USP34: variants seen among roughly 807,000 people sequenced by gnomAD.
USP34 encodes ubiquitin specific peptidase 34, also known as ubiquitin carboxyl-terminal hydrolase 34.
USP34 carries 70 observed loss-of-function variants against 460.3 expected under a neutral mutation model. The ratio of observed to expected loss-of-function variants is 0.15; its 90% CI spans 0.13 to 0.19. The LOEUF is 0.19. Among genes scored for constraint, USP34 ranks in the 10% least tolerant of loss-of-function variants. The pLI is 1.00. For missense variants in USP34, 3,985 were observed against 4,236.2 expected, an observed-to-expected ratio of 0.94 and a Z score of 1.65; for synonymous variants, 1,647 against 1,405.3, an observed-to-expected ratio of 1.17 and a Z score of -3.85.
intron 43 of USP34, among the ~76,000 whole-genome samples, chr2:61,264,224 A>G (rs1688980931): frequency 6.6e-6 from 1 of 152,232 alleles, no homozygotes; most frequent in Non-Finnish European, 1.5e-5. Flanking sequence ...ACCCAGAACC[A>G]CTTGGGTAAA....
chr2:61,298,152 G>GT (rs968729218), intron 29 of USP34, among the ~76,000 whole-genome samples: 8 of 151,708 alleles, frequency 5.3e-5, no homozygotes, highest in African/African-American at 1.9e-4. Flanking sequence ...ACTTTTTTGT[G>GT]TAACTCTCAT....
At chr2:61,387,825 A>G (rs1024533462) in intron 5 of USP34, among the ~76,000 whole-genome samples, 1 of 149,748 alleles carries the variant, frequency 6.7e-6, no homozygotes, top group Non-Finnish European at 1.5e-5. Flanking sequence ...ACACATGTAA[A>G]AATATATTTT....
intron 1 of USP34, among the ~76,000 whole-genome samples, chr2:61,425,917 T>C (rs1212980937): frequency 6.6e-6 from 1 of 151,766 alleles, no homozygotes; most frequent in Non-Finnish European, 1.5e-5. Flanking sequence ...GGGACTCTCT[T>C]GCATCTTGGA....
chr2:61,331,012 AAC>A lies in USP34; in HGVS notation c.2930+262_2930+263del, dbSNP rs140180603. 4.2e-3 allele frequency among the ~76,000 whole-genome samples: 635 copies of A among 152,268 alleles called. 3 individuals are homozygous for A. Among genetic ancestry groups the A allele is most frequent in the African/African-American group, 0.014 (597 of 41,564 alleles). ...ATGTATTTACTTTTGATTCCTTAAA[AAC>A]AGTTATCTTTGAACAAATCTCAATA... On this transcript the variant is annotated intron_variant, in intron 20 of 79. Transcript: ENST00000398571.
chr2:61,433,436 C>T (rs1375769903), intron 1 of USP34, among the ~76,000 whole-genome samples: 2 of 152,030 alleles, frequency 1.3e-5, no homozygotes, highest in Admixed American at 6.6e-5. Flanking sequence ...GAGTTCAAGA[C>T]CACCCTGGCC....
chr2:61,293,933 C>T (rs1049354298), intron 32 of USP34, among the ~76,000 whole-genome samples: 2 of 151,314 alleles, frequency 1.3e-5, no homozygotes, highest in South Asian at 2.1e-4. Flanking sequence ...GAGGATCACT[C>T]GAACCCAGGA....
At chr2:61,424,018 T>C (rs892868119) in intron 1 of USP34, among the ~76,000 whole-genome samples, 5 of 152,222 alleles carry the variant, frequency 3.3e-5, no homozygotes, top group African/African-American at 7.2e-5. Context: ...ACTGGAACCA[T>C]TGTGTACTCT....
Position 61,378,346 on chromosome 2 carries a change from T to C in USP34, c.1076+17A>G, listed in dbSNP as rs1375528521. 1 of 1,544,924 alleles carries C rather than the reference T, an allele frequency of 6.5e-7. No individual in the cohort carries two copies. Among genetic ancestry groups the C allele is most frequent in the Non-Finnish European group, 8.8e-7 (1 of 1,137,028 alleles). On this transcript the variant is annotated intron_variant, in intron 8 of 79. Transcript: ENST00000398571. ...TTAAAATGGTATACTTATATATAAATTAATGCTCCTACTTACGTTTCTGTG... is the reference window on the plus strand; with the variant it reads ...TTAAAATGGTATACTTATATATAAACTAATGCTCCTACTTACGTTTCTGTG...
chr2:61,289,766 T>C (rs979535629), intron 33 of USP34, among the ~76,000 whole-genome samples: 2 of 152,100 alleles, frequency 1.3e-5, no homozygotes, highest in African/African-American at 4.8e-5. Context: ...AAATTCAATA[T>C]TGCATACACA....
chr2:61,323,476 C>T (rs1468642406), intron 21 of USP34, among the ~76,000 whole-genome samples: 1 of 147,488 alleles, frequency 6.8e-6, no homozygotes, highest in Non-Finnish European at 1.5e-5. Context: ...GATTGTGCCA[C>T]TGCACTCCAG....
chr2:61,320,138 T>C (rs1376902284), intron 21 of USP34, among the ~76,000 whole-genome samples: 1 of 152,226 alleles, frequency 6.6e-6, no homozygotes, highest in Non-Finnish European at 1.5e-5. Flanking sequence ...TATGCATTTC[T>C]ACGAATATGA....
At chr2:61,201,957 C>T (rs1297462568) in intron 75 of USP34, among the ~76,000 whole-genome samples, 1 of 152,144 alleles carries the variant, frequency 6.6e-6, no homozygotes, top group Non-Finnish European at 1.5e-5. Context: ...GTACCATGAC[C>T]CAGGTGCATA....
chr2:61,373,780 A>C (rs1052016560), intron 8 of USP34, among the ~76,000 whole-genome samples: 2 of 152,232 alleles, frequency 1.3e-5, no homozygotes, highest in Admixed American at 6.5e-5. Flanking sequence ...AAATATGTAC[A>C]TAATATAGAT....
intron 1 of USP34, among the ~76,000 whole-genome samples, chr2:61,423,441 T>TA (rs899445126): frequency 5.9e-5 from 9 of 151,772 alleles, no homozygotes; most frequent in African/African-American, 1.5e-4. Context: ...AAGGAAATAT[T>TA]AAAAAAAATC....
intron 3 of USP34, among the ~76,000 whole-genome samples, chr2:61,403,872 A>AG (rs1693790731): frequency 1.3e-5 from 2 of 151,382 alleles, no homozygotes; most frequent in East Asian, 3.9e-4. Context: ...GGGCACCTGT[A>AG]CTCCCAGCTA....
intron 8 of USP34, among the ~76,000 whole-genome samples, chr2:61,372,797 G>T (rs1478523455): frequency 6.6e-6 from 1 of 152,098 alleles, no homozygotes; most frequent in East Asian, 1.9e-4. Context: ...ACTATTCGGA[G>T]GTCTGAAAAC....
chr2:61,300,558 G>C (rs1303526606), intron 29 of USP34, among the ~76,000 whole-genome samples: 3 of 151,070 alleles, frequency 2.0e-5, no homozygotes, highest in African/African-American at 7.3e-5. Flanking sequence ...AGCACTTTGG[G>C]AGGCTGACAT....
intron 27 of USP34, among the ~76,000 whole-genome samples, chr2:61,306,790 G>A (rs1690420711): frequency 6.6e-6 from 1 of 152,126 alleles, no homozygotes; most frequent in African/African-American, 2.4e-5. Context: ...AGTTAGAATG[G>A]CGATCATTAA....
chr2:61,435,294 T>C (rs1283077825), intron 1 of USP34, among the ~76,000 whole-genome samples: 4 of 113,594 alleles, frequency 3.5e-5, no homozygotes, highest in African/African-American at 3.7e-5. Flanking sequence ...GGCAACAGAG[T>C]GAGACCTTGT....
Sources: gnomAD v4.1 joint callset for allele counts (sites outside exome capture counted in the v4.1 genomes callset) on GRCh38, gnomAD v4.1.1 for gene constraint, MANE v1.5 for transcripts, NCBI Gene and HGNC (gene_info 2026-07-23, HGNC 2026-07-21) for gene names.